The following HSPA12A variants were observed in gnomAD, a reference collection of about 807,000 sequenced individuals.
The protein encoded by HSPA12A is heat shock 70 kDa protein 12A.
A neutral mutation model predicts 69.2 loss-of-function variants in HSPA12A; 28 were observed. The observed-to-expected ratio is 0.40, with a 90% confidence interval of 0.30 to 0.55. HSPA12A has a LOEUF of 0.55. Ranked by LOEUF, HSPA12A falls within the 20% of genes least tolerant of loss-of-function variation. The probability of loss-of-function intolerance (pLI) is 0.38; values close to 1 mark genes in which losing one functional copy is unlikely to be tolerated. For synonymous variants in HSPA12A, 345 were observed against 370.5 expected, an observed-to-expected ratio of 0.93 and a Z score of 0.79; for missense variants, 686 against 900.7, an observed-to-expected ratio of 0.76 and a Z score of 3.05.
intron 2 of HSPA12A, chr10:116,830,864 A>G (rs569784713): frequency 7.0e-4 from 107 of 152,584 alleles, no homozygotes; most frequent in African/African-American, 2.4e-3. Flanking sequence ...ATATATATAT[A>G]AAGAGCAAGA....
chr10:116,747,291 A>G (rs1254898102), upstream of HSPA12A, among the ~76,000 whole-genome samples: 1 of 152,246 alleles, frequency 6.6e-6, no homozygotes, highest in African/African-American at 2.4e-5. Context: ...CAGGACTGCA[A>G]TGTAAACTTT....
rs148750666 is a variant in HSPA12A, at chr10:116,672,625, A to G, written c.*2156T>C. 6.5e-6 allele frequency: 1 copy of G among 152,734 alleles called. No individual in the cohort carries two copies. The highest frequency in any genetic ancestry group is 2.4e-5 in the African/African-American group (1 of 41,564). 9.5% of individuals were successfully genotyped at this position (152,734 alleles called of 1,614,324 possible). On this transcript the variant is annotated 3_prime_UTR_variant, in exon 12 of 12. Coordinates refer to ENST00000369209, the MANE Select transcript of HSPA12A (RefSeq NM_025015.3). ...AATTAAGGACAGTAACAAAAGTATC[A>G]TCAACAAAAATCAAGCATTTTCCTC... is the stretch of plus-strand genomic sequence containing the variant.
chr10:116,703,091 G>C (rs970865581), intron 3 of HSPA12A, among the ~76,000 whole-genome samples: 1 of 152,164 alleles, frequency 6.6e-6, no homozygotes, highest in Admixed American at 6.5e-5. Flanking sequence ...GTCAGTGGTG[G>C]CAGCACAGAC....
At chr10:116,830,846 G>T (rs1446894824) in intron 2 of HSPA12A, 1 of 152,174 alleles carries the variant, frequency 6.6e-6, no homozygotes, top group Non-Finnish European at 1.5e-5. Flanking sequence ...TATATTATAG[G>T]TATATGCATA....
intron 10 of HSPA12A, among the ~76,000 whole-genome samples, chr10:116,678,894 T>C (rs150922732): frequency 1.3e-5 from 2 of 152,312 alleles, no homozygotes; most frequent in East Asian, 3.9e-4. Flanking sequence ...TGAAATATGA[T>C]AGATAGGTAA....
intron 2 of HSPA12A, among the ~76,000 whole-genome samples, chr10:116,789,291 T>C (rs758724695): frequency 8.5e-5 from 13 of 152,074 alleles, no homozygotes; most frequent in Non-Finnish European, 1.8e-4. Flanking sequence ...CAAAAATATA[T>C]TTATATACAT....
upstream of HSPA12A, among the ~76,000 whole-genome samples, chr10:116,745,113 A>G (rs1851619703): frequency 6.6e-6 from 1 of 152,268 alleles, no homozygotes; most frequent in South Asian, 2.1e-4. Context: ...AGAACACTCT[A>G]TCTAAAACTG....
chr10:116,709,174 C>T (rs534296683), intron 1 of HSPA12A, among the ~76,000 whole-genome samples: 93 of 152,242 alleles, frequency 6.1e-4, no homozygotes, highest in African/African-American at 2.1e-3. Context: ...AGGCTGGGCG[C>T]GGTGGCTCAC....
At chr10:116,799,013 C>T (rs1844897954) in intron 2 of HSPA12A, among the ~76,000 whole-genome samples, 1 of 152,076 alleles carries the variant, frequency 6.6e-6, no homozygotes, top group South Asian at 2.1e-4. Context: ...GGCGAGATGC[C>T]CAGGGCTCTG....
intron 6 of HSPA12A, among the ~76,000 whole-genome samples, chr10:116,687,974 C>T (rs1436731145): frequency 2.0e-5 from 3 of 152,298 alleles, no homozygotes; most frequent in Non-Finnish European, 4.4e-5. Flanking sequence ...TTTCTTAAAA[C>T]ATGATGAGTT....
At chr10:116,713,666 T>G (rs1554883430) in intron 1 of HSPA12A, among the ~76,000 whole-genome samples, 1 of 152,122 alleles carries the variant, frequency 6.6e-6, no homozygotes, top group Non-Finnish European at 1.5e-5. Flanking sequence ...TGGTTCACAG[T>G]CTCTCTCCTA....
At chr10:116,683,713 A>G (rs781937678) in intron 7 of HSPA12A, 78 bp downstream of exon 7, 2 of 1,358,098 alleles carry the variant, frequency 1.5e-6, no homozygotes, top group African/African-American at 1.4e-5. Context: ...AAGTGCCTTT[A>G]AAATCATCAG....
chr10:116,732,839 A>G (rs1297502564), intron 1 of HSPA12A, among the ~76,000 whole-genome samples: 3 of 152,138 alleles, frequency 2.0e-5, no homozygotes, highest in African/African-American at 2.4e-5. Context: ...TTCTGTAGCC[A>G]TTGCGGAGTT....
At chr10:116,733,592 G>C (rs1851226557) in intron 1 of HSPA12A, among the ~76,000 whole-genome samples, 2 of 152,168 alleles carry the variant, frequency 1.3e-5, no homozygotes, top group African/African-American at 4.8e-5. Context: ...CCATCCTACA[G>C]AACTTACTCC....
intron 2 of HSPA12A, among the ~76,000 whole-genome samples, chr10:116,752,248 C>T (rs983926128): frequency 1.3e-5 from 2 of 152,162 alleles, no homozygotes; most frequent in Non-Finnish European, 2.9e-5. Flanking sequence ...CTGCCAAGAG[C>T]CTGGAGGTCA....
rs781830686 is a variant in HSPA12A, at chr10:116,681,208, G to A, written c.971C>T (p.Thr324Ile). ...CTCCGGTAACCGGATCTGATGGACT[G>A]TCAGGTCTACGGTGCCACCGCCACT... ...VDSGGGTVDL[T>I]VHQIRLPEGH... The change falls in exon 9 of 12, where the codon ACA (threonine) becomes ATA (isoleucine). Residue 324 changes from threonine (T) to isoleucine (I), a missense_variant. Coordinates refer to ENST00000369209, the MANE Select transcript of HSPA12A (RefSeq NM_025015.3). 1 of 1,614,160 alleles carries A rather than the reference G, an allele frequency of 6.2e-7. No homozygotes were observed. The highest frequency in any genetic ancestry group is 8.5e-7 in the Non-Finnish European group (1 of 1,180,022).
chr10:116,712,245 G>A (rs1850457408), intron 1 of HSPA12A, among the ~76,000 whole-genome samples: 1 of 152,022 alleles, frequency 6.6e-6, no homozygotes, highest in East Asian at 1.9e-4. Context: ...TGATGAGGGT[G>A]GTTATAGATT....
At chr10:116,801,038 T>A (rs1280165843) in intron 2 of HSPA12A, among the ~76,000 whole-genome samples, 1 of 152,210 alleles carries the variant, frequency 6.6e-6, no homozygotes, top group Non-Finnish European at 1.5e-5. Context: ...TGAATCACAG[T>A]TAAATTCTAC....
Position 116,751,827 on chromosome 10 carries a change from G to T in HSPA12A, c.92-44542C>A, listed in dbSNP as rs571344240. 9.9e-5 allele frequency among the ~76,000 whole-genome samples: 15 copies of T among 152,226 alleles called. No homozygotes were observed. The East Asian group carries it at 2.9e-3, about 29-fold the overall frequency. On this transcript the variant is annotated intron_variant, in intron 2 of 12. Coordinates refer to the HSPA12A transcript ENST00000635765. Reference sequence around the variant, plus strand: ...CCCCTTGGTGATGAGTGAGTTCTCAGTTCACTGACTCCTCCTCTGCTCTCT... The same window carrying T: ...CCCCTTGGTGATGAGTGAGTTCTCATTTCACTGACTCCTCCTCTGCTCTCT...
Sources: allele counts gnomAD v4.1 joint callset (sites outside exome capture counted in the v4.1 genomes callset), GRCh38; gene constraint gnomAD v4.1.1; transcripts MANE v1.5; gene names NCBI Gene and HGNC (gene_info 2026-07-23, HGNC 2026-07-21).